JAK1: variants seen among roughly 807,000 people sequenced by gnomAD.
JAK1 encodes the protein tyrosine-protein kinase JAK1.
JAK1 carries 16 observed loss-of-function variants against 136.6 expected under a neutral mutation model. That is an observed-to-expected ratio of 0.12 (90% confidence interval 0.08 to 0.18). The LOEUF (loss-of-function observed/expected upper bound fraction) is 0.18. Among genes scored for constraint, JAK1 ranks in the 10% least tolerant of loss-of-function variants. The pLI is 1.00. For synonymous variants in JAK1, 492 were observed against 519.5 expected (o/e 0.95, Z 0.72); for missense variants, 859 against 1,450.1 (o/e 0.59, Z 6.62).
At chr1:64,914,685 T>C (rs1346085765) in intron 1 of JAK1, among the ~76,000 whole-genome samples, 2 of 152,172 alleles carry the variant, frequency 1.3e-5, no homozygotes, top group African/African-American at 4.8e-5. Flanking sequence ...TGCCTCAGTC[T>C]CCTGAGTAGC....
Position 65,009,014 on chromosome 1 carries a change from T to C in JAK1, c.-78+35466A>G, listed in dbSNP as rs1363319575. ...GTAACAAGTCTTAATTGAAAATATA[T>C]TCACAAAGTCTTTGAAGGTTAGGAA... On this transcript the variant is annotated intron_variant, in intron 2 of 25. Coordinates refer to the JAK1 transcript ENST00000671954. 2.0e-5 allele frequency among the ~76,000 whole-genome samples: 3 copies of C among 152,188 alleles called. No homozygotes were observed. The East Asian group carries it at 5.8e-4, about 29-fold the overall frequency.
intron 5 of JAK1, among the ~76,000 whole-genome samples, chr1:64,871,043 G>A (rs866344058): frequency 4.6e-5 from 7 of 152,202 alleles, no homozygotes; most frequent in Middle Eastern, 6.8e-3. Flanking sequence ...CTCTGCTCCC[G>A]GGAAAGGTAA....
At chr1:65,010,753 T>C (rs1646841879) in intron 2 of JAK1, among the ~76,000 whole-genome samples, 1 of 152,134 alleles carries the variant, frequency 6.6e-6, no homozygotes, top group South Asian at 2.1e-4. Flanking sequence ...GGCCAAAGCT[T>C]GAGGTTGGCA....
In JAK1 at chr1:64,984,575, T is replaced by C. The variant is rs1646580167; in HGVS notation, c.-78+59905A>G. 2.6e-6 allele frequency: 1 copy of C among 380,584 alleles called. No individual in the cohort carries two copies. The highest frequency in any genetic ancestry group is 5.2e-6 in the Non-Finnish European group (1 of 194,112). The allele number at this position is 380,584 out of a possible 1,614,324, so 23.6% of individuals were successfully genotyped here. A position where few individuals can be genotyped will look rare whatever the true frequency, so the allele number is the denominator to read the frequency against. On this transcript the variant is annotated intron_variant, in intron 2 of 25. Transcript: ENST00000671954. This position sits in a 1 kb window ranked among gnomAD's most constrained non-coding sequence, Gnocchi z 4.1. ...CCTCATTCAGGGAGGTGGCTTTCCC[T>C]TGCTGGGAGGGAGGTTGAAGGAGGC...
At chr1:65,041,724 A>C (rs1647135674) in intron 2 of JAK1, among the ~76,000 whole-genome samples, 1 of 152,174 alleles carries the variant, frequency 6.6e-6, no homozygotes, top group Non-Finnish European at 1.5e-5. Context: ...CTCCCATCTG[A>C]AGATTCAACC....
chr1:64,966,978 T>C (rs1414984320), upstream of JAK1, among the ~76,000 whole-genome samples: 1 of 150,320 alleles, frequency 6.7e-6, no homozygotes, highest in Non-Finnish European at 1.5e-5. Flanking sequence ...AGCACTAGAC[T>C]AAAAAGAATT....
chr1:65,011,079 T>C (rs1557756885), intron 2 of JAK1, among the ~76,000 whole-genome samples: 1 of 152,262 alleles, frequency 6.6e-6, no homozygotes, highest in East Asian at 1.9e-4. Context: ...TTCATGTATA[T>C]GATCTTTTCT....
chr1:64,960,977 T>C (rs1646273443), intron 1 of JAK1, among the ~76,000 whole-genome samples: 1 of 152,192 alleles, frequency 6.6e-6, no homozygotes, highest in African/African-American at 2.4e-5. Context: ...CCCCAGATTG[T>C]TTCACTTTTG....
At chr1:65,019,349 T>C (rs1044751259) in intron 2 of JAK1, among the ~76,000 whole-genome samples, 3 of 151,318 alleles carry the variant, frequency 2.0e-5, no homozygotes, top group Admixed American at 6.6e-5. Context: ...AAAAAGATAA[T>C]ATAGAAAAGC....
intron 14 of JAK1, 97 bp downstream of exon 14, chr1:64,846,552 C>A (rs921226693): frequency 1.1e-5 from 9 of 850,610 alleles, no homozygotes; most frequent in Non-Finnish European, 1.4e-5. Flanking sequence ...AGGCAAGAAG[C>A]CTGGGCAACG....
At chr1:64,945,846 A>G (rs1645976018) in intron 1 of JAK1, among the ~76,000 whole-genome samples, 1 of 151,972 alleles carries the variant, frequency 6.6e-6, no homozygotes, top group Non-Finnish European at 1.5e-5. Context: ...CTCTGGCCTC[A>G]GCCTCCTGAG....
chr1:64,983,406 A>T (rs1239634453), intron 2 of JAK1, among the ~76,000 whole-genome samples: 2 of 152,204 alleles, frequency 1.3e-5, no homozygotes, highest in Admixed American at 6.5e-5. Context: ...ATAATCGTTC[A>T]GAAAAAAATC....
chr1:65,012,681 A>G (rs1289698016), intron 2 of JAK1, among the ~76,000 whole-genome samples: 1 of 151,836 alleles, frequency 6.6e-6, no homozygotes, highest in African/African-American at 2.4e-5. Flanking sequence ...GGCCCCAGCT[A>G]CTGGGGAGGC....
Position 65,053,009 on chromosome 1 carries a change from GAC to G in JAK1, c.-180-8429_-180-8428del, listed in dbSNP as rs957780278. Among the ~76,000 whole-genome samples, 4 of 133,656 alleles carry G rather than the reference GAC, an allele frequency of 3.0e-5. No individual in the cohort carries two copies. The Admixed American group carries it at 3.3e-4, about 11-fold the overall frequency. The allele number at this position is 133,656 out of a possible 152,430, so 87.7% of individuals were successfully genotyped here. On this transcript the variant is annotated intron_variant, in intron 1 of 25. Transcript: ENST00000671954. ...TCACGCCATTGCACTCCAGCCTGGT[GAC>G]AGAGCAAGACTCTTGTCTCAAAAAA...
intron 2 of JAK1, among the ~76,000 whole-genome samples, chr1:65,035,982 C>G (rs906630838): frequency 6.6e-6 from 1 of 152,056 alleles, no homozygotes; most frequent in Admixed American, 6.6e-5. Context: ...GCAGAAGAAT[C>G]ACTTGAACCC....
At chr1:64,993,786 C>G (rs572189332) in intron 2 of JAK1, among the ~76,000 whole-genome samples, 1 of 152,258 alleles carries the variant, frequency 6.6e-6, no homozygotes, top group Admixed American at 6.5e-5. Flanking sequence ...GCTGGGATTA[C>G]AGGCGCCCAC....
chr1:64,861,597 G>A (rs928222890), intron 8 of JAK1, among the ~76,000 whole-genome samples: 9 of 152,136 alleles, frequency 5.9e-5, no homozygotes, highest in Non-Finnish European at 1.2e-4. Context: ...TTCAAAAAAG[G>A]GCAAAATGAC....
chr1:65,043,611 G>A (rs975751371), intron 2 of JAK1, among the ~76,000 whole-genome samples: 12 of 151,754 alleles, frequency 7.9e-5, no homozygotes, highest in Non-Finnish European at 2.9e-5. Flanking sequence ...TTGGCTCACT[G>A]CAACCTCTGC....
At chr1:65,030,233 G>GCATCTTGATCTTGGATTTCCCAGCCTC (rs916344863) in intron 2 of JAK1, among the ~76,000 whole-genome samples, 3 of 152,138 alleles carry the variant, frequency 2.0e-5, no homozygotes, top group African/African-American at 7.2e-5. Flanking sequence ...GAACCAGCTG[G>GCATCTTGATCTTGGATTTCCCAGCCTC]CATCTTGATC....
Sources: allele counts gnomAD v4.1 joint callset (sites outside exome capture counted in the v4.1 genomes callset), GRCh38; gene constraint gnomAD v4.1.1; non-coding constraint Gnocchi (gnomAD v3.1); transcripts MANE v1.5; gene names NCBI Gene and HGNC (gene_info 2026-07-23, HGNC 2026-07-21).